The following TRAPPC3L variants were observed in gnomAD, a reference collection of about 807,000 sequenced individuals.
TRAPPC3L encodes the protein trafficking protein particle complex subunit 3L.
TRAPPC3L carries 23 observed loss-of-function variants against 23.7 expected under a neutral mutation model. The ratio of observed to expected loss-of-function variants is 0.97; its 90% CI spans 0.70 to 1.37. TRAPPC3L has a LOEUF of 1.37. TRAPPC3L is among the 40% of genes most tolerant of loss of function. The probability of loss-of-function intolerance (pLI) is 0.00; values close to 1 mark genes in which losing one functional copy is unlikely to be tolerated. For missense variants in TRAPPC3L, 212 were observed against 216.8 expected (o/e 0.98, Z 0.14); for synonymous variants, 81 against 77.9 (o/e 1.04, Z -0.21).
At chr6:116,515,637 T>A (rs748546601) in intron 3 of TRAPPC3L, 2 of 1,613,602 alleles carry the variant, frequency 1.2e-6, no homozygotes, top group South Asian at 2.2e-5. Flanking sequence ...GCGTCTTTCT[T>A]CTCTCTGCTC....
chr6:116,523,731 C>T (rs1402495733), intron 3 of TRAPPC3L: 1 of 152,050 alleles, frequency 6.6e-6, no homozygotes, highest in African/African-American at 2.4e-5. Context: ...GAAGCTAAAC[C>T]TAATCAAGTA....
rs181681581 is a variant in TRAPPC3L at position 116,496,772 on chromosome 6, G to A, written c.*182C>T. ...TTTGTGGACATGAGATTGAAAATGC[G>A]TGATTTATAAGCAAAAGGAAAAAAA... On this transcript the variant is annotated 3_prime_UTR_variant, in exon 5 of 5. Coordinates refer to ENST00000368602, the MANE Select transcript of TRAPPC3L (RefSeq NM_001139444.3). 0.012 allele frequency: 9,668 copies of A among 792,682 alleles called. 76 individuals are homozygous for A. Among genetic ancestry groups the A allele is most frequent in the Non-Finnish European group, 0.014 (7,780 of 552,858 alleles). 49.1% of individuals were successfully genotyped at this position (792,682 alleles called of 1,614,324 possible).
chr6:116,544,695 C>A (rs1204263051), intron 1 of TRAPPC3L, among the ~76,000 whole-genome samples: 1 of 151,958 alleles, frequency 6.6e-6, no homozygotes, highest in African/African-American at 2.4e-5. Flanking sequence ...TTGAGAGTCC[C>A]ACAGGAAAAT....
chr6:116,495,346 CATT>C lies in TRAPPC3L; in HGVS notation c.*1605_*1607del, dbSNP rs1771819772. ...CCATGTTTTGCAAATGACAGGATCTCATTCTTCTTTATGGCTGAATAGTACTCC... is the reference window on the plus strand; with the variant it reads ...CCATGTTTTGCAAATGACAGGATCTCCTTCTTTATGGCTGAATAGTACTCC... On this transcript the variant is annotated 3_prime_UTR_variant, in exon 5 of 5. Transcript: ENST00000368602. 1 of 151,972 alleles carries C rather than the reference CATT, an allele frequency of 6.6e-6. No individual in the cohort carries two copies. The highest frequency in any genetic ancestry group is 2.1e-4 in the South Asian group (1 of 4,822). 9.4% of individuals were successfully genotyped at this position (151,972 alleles called of 1,614,324 possible).
At chr6:116,516,837 C>T (rs998035033) in intron 3 of TRAPPC3L, 39 of 151,956 alleles carry the variant, frequency 2.6e-4, no homozygotes, top group African/African-American at 9.2e-4. Context: ...TTAGTGGGCC[C>T]TTACAAGTAT....
chr6:116,503,415 C>A (rs934247207), intron 3 of TRAPPC3L, among the ~76,000 whole-genome samples: 2 of 152,116 alleles, frequency 1.3e-5, no homozygotes, highest in African/African-American at 2.4e-5. Flanking sequence ...GACTCCCACA[C>A]AATAATAATG....
In TRAPPC3L at chr6:116,545,474, A is replaced by T. The variant is rs1355419594; in HGVS notation, c.41T>A (p.Ile14Lys). Residue 14 changes from isoleucine (I) to lysine (K), a missense_variant and splice_region_variant, in exon 1 of 5, where the codon ATA becomes AAA. Coordinates refer to ENST00000368602, the MANE Select transcript of TRAPPC3L (RefSeq NM_001139444.3). Reference protein sequence around the residue: ...PAHRRPEYHKINKDLFVLTYG... With the variant: ...PAHRRPEYHKKNKDLFVLTYG... ...AATCTCTTTGTAGAAAGATCTTACT[A>T]TTTTATGGTATTCTGGTCTTCGGTG... The T allele has an allele frequency of 6.5e-7, 1 of 1,546,026 alleles. No individual in the cohort carries two copies. The highest frequency in any genetic ancestry group is 8.7e-7 in the Non-Finnish European group (1 of 1,143,682).
chr6:116,501,985 T>C (rs1003206308), intron 3 of TRAPPC3L, among the ~76,000 whole-genome samples: 1 of 152,112 alleles, frequency 6.6e-6, no homozygotes. Flanking sequence ...AGAACACAAC[T>C]CTTTGCCAGC....
intron 3 of TRAPPC3L, among the ~76,000 whole-genome samples, chr6:116,537,155 G>A (rs77067661): frequency 0.01 from 1,541 of 152,296 alleles, 37 homozygotes; most frequent in African/African-American, 0.034. Flanking sequence ...CTAGAGAAGG[G>A]TGAAGGTGAT....
chr6:116,539,874 C>T (rs1773328767), intron 3 of TRAPPC3L, among the ~76,000 whole-genome samples: 1 of 152,148 alleles, frequency 6.6e-6, no homozygotes, highest in Non-Finnish European at 1.5e-5. Context: ...TGGATGATTC[C>T]AAGTTGTCTC....
intron 3 of TRAPPC3L, among the ~76,000 whole-genome samples, chr6:116,506,826 G>T (rs1485859104): frequency 6.6e-6 from 1 of 152,122 alleles, no homozygotes; most frequent in Non-Finnish European, 1.5e-5. Flanking sequence ...AGAACACATG[G>T]ACACAGGTAG....
chr6:116,505,383 G>C (rs1172831141), intron 3 of TRAPPC3L, among the ~76,000 whole-genome samples: 1 of 152,040 alleles, frequency 6.6e-6, no homozygotes, highest in Non-Finnish European at 1.5e-5. Context: ...ACAAACAAAA[G>C]GAAAAACATT....
chr6:116,521,264 C>T (rs1311126266), intron 3 of TRAPPC3L: 3 of 151,988 alleles, frequency 2.0e-5, no homozygotes, highest in Admixed American at 1.3e-4. Flanking sequence ...GAAATTGGCT[C>T]ATGTGATTAT....
chr6:116,511,710 AG>A (rs1562338931), intron 3 of TRAPPC3L: 2 of 1,613,574 alleles, frequency 1.2e-6, no homozygotes, highest in Non-Finnish European at 1.7e-6. Context: ...GATGCTTTTC[AG>A]GGCATTTTAA....
At chr6:116,533,492 G>A (rs1340854484) in intron 3 of TRAPPC3L, among the ~76,000 whole-genome samples, 1 of 152,212 alleles carries the variant, frequency 6.6e-6, no homozygotes, top group African/African-American at 2.4e-5. Flanking sequence ...GTTGCACTGA[G>A]TGGCCAGAAT....
At chr6:116,499,092 T>C (rs1771874051) in intron 4 of TRAPPC3L, among the ~76,000 whole-genome samples, 1 of 152,246 alleles carries the variant, frequency 6.6e-6, no homozygotes, top group South Asian at 2.1e-4. Context: ...ACTTTGTCTC[T>C]ACCAAGCCCA....
intron 4 of TRAPPC3L, among the ~76,000 whole-genome samples, chr6:116,500,171 A>G (rs1251619562): frequency 6.6e-6 from 1 of 152,154 alleles, no homozygotes; most frequent in Admixed American, 6.5e-5. Context: ...TTGGAAGTAG[A>G]TTCTCCAGCC....
At chr6:116,527,469 C>G (rs906297461) in intron 3 of TRAPPC3L, among the ~76,000 whole-genome samples, 32 of 140,088 alleles carry the variant, frequency 2.3e-4, no homozygotes, top group African/African-American at 7.7e-4. Flanking sequence ...GAGCCGACAT[C>G]GAGCCACTGC....
Position 116,496,849 on chromosome 6 carries a change from C to A in TRAPPC3L, c.*105G>T. ...TTCAAATTTCTGGCTGATTTATAAA[C>A]CTTTCAAAGCTCATGCTATGAAGCA... On this transcript the variant is annotated 3_prime_UTR_variant, in exon 5 of 5. Coordinates refer to ENST00000368602, the MANE Select transcript of TRAPPC3L (RefSeq NM_001139444.3). 7.3e-7 allele frequency: 1 copy of A among 1,376,206 alleles called. No individual in the cohort carries two copies. Among genetic ancestry groups the A allele is most frequent in the East Asian group, 3.0e-5 (1 of 33,872 alleles). The allele number at this position is 1,376,206 out of a possible 1,614,324, so 85.2% of individuals were successfully genotyped here. A position where few individuals can be genotyped will look rare whatever the true frequency, so the allele number is the denominator to read the frequency against.
Sources: allele counts gnomAD v4.1 joint callset (sites outside exome capture counted in the v4.1 genomes callset), GRCh38; gene constraint gnomAD v4.1.1; transcripts MANE v1.5; gene names NCBI Gene and HGNC (gene_info 2026-07-23, HGNC 2026-07-21).